The following ADAMTS3 variants were observed in gnomAD, a reference collection of about 807,000 sequenced individuals.
The protein encoded by ADAMTS3 is ADAM metallopeptidase with thrombospondin type 1 motif 3.
In ADAMTS3, 73 loss-of-function variants were observed where a neutral mutation model predicts 129.0. The ratio of observed to expected loss-of-function variants is 0.57; its 90% CI spans 0.47 to 0.69. The LOEUF is 0.69. Among genes scored for constraint, ADAMTS3 ranks in the 30% least tolerant of loss-of-function variants. ADAMTS3 has a pLI of 0.00. For synonymous variants in ADAMTS3, 477 were observed against 510.8 expected (o/e 0.93, Z 0.89); for missense variants, 1,457 against 1,514.5 (o/e 0.96, Z 0.63).
At chr4:72,405,229 A>G in intron 4 of ADAMTS3, among the ~76,000 whole-genome samples, 1 of 152,136 alleles carries the variant, frequency 6.6e-6, no homozygotes, top group East Asian at 1.9e-4. Context: ...CCTTGAAGAA[A>G]TATTTGCAAC....
chr4:72,568,815 ACCCACCCCCCCC>A lies in ADAMTS3; in HGVS notation c.-65_-54del. The A allele has an allele frequency of 8.7e-7, 1 of 1,150,002 alleles. No homozygotes were observed. Among genetic ancestry groups the A allele is most frequent in the Admixed American group, 2.7e-5 (1 of 36,970 alleles). The allele number at this position is 1,150,002 out of a possible 1,614,324, so 71.2% of individuals were successfully genotyped here. A position where few individuals can be genotyped will look rare whatever the true frequency, so the allele number is the denominator to read the frequency against. On this transcript the variant is annotated 5_prime_UTR_variant, in exon 1 of 22. Transcript: ENST00000286657. ...TGGGCAAAGCAAATGCCCAGAGCAA[ACCCACCCCCCCC>A]GCCCAAAATAAGTTTCTTTAAGAAA...
chr4:72,330,180 G>A lies in ADAMTS3; in HGVS notation c.862-7083C>T, dbSNP rs142453501. 3.5e-3 allele frequency among the ~76,000 whole-genome samples: 528 copies of A among 151,992 alleles called. 6 individuals are homozygous for A. Among genetic ancestry groups the A allele is most frequent in the African/African-American group, 0.012 (512 of 41,448 alleles). ...ATTACAGGTGCACACCACCACACCT[G>A]GCTAATTTTTGTATTTTTGGTAGTC... On this transcript the variant is annotated intron_variant, in intron 5 of 21. Transcript: ENST00000286657.
chr4:72,412,520 T>C (rs1722207628), intron 4 of ADAMTS3, among the ~76,000 whole-genome samples: 2 of 152,084 alleles, frequency 1.3e-5, no homozygotes. Context: ...TGAATCTGAA[T>C]CACTTGTTCC....
At chr4:72,381,008 G>T (rs1358092399) in intron 4 of ADAMTS3, among the ~76,000 whole-genome samples, 3 of 152,100 alleles carry the variant, frequency 2.0e-5, no homozygotes, top group Admixed American at 2.0e-4. Flanking sequence ...TCATTCATAT[G>T]ATTTTAAAAA....
chr4:72,510,759 C>A (rs1235899798), intron 3 of ADAMTS3, among the ~76,000 whole-genome samples: 1 of 125,828 alleles, frequency 7.9e-6, no homozygotes, highest in South Asian at 2.7e-4. Flanking sequence ...ATAGAAAAAT[C>A]AATCCTAAAA....
At chr4:72,452,302 A>G (rs953309505) in intron 3 of ADAMTS3, among the ~76,000 whole-genome samples, 2 of 150,938 alleles carry the variant, frequency 1.3e-5, no homozygotes, top group East Asian at 3.9e-4. Flanking sequence ...TTTATTATTA[A>G]CATAATATAA....
In ADAMTS3 at chr4:72,324,838, C is replaced by T. The variant is rs536031427; in HGVS notation, c.862-1741G>A. 7.9e-5 allele frequency among the ~76,000 whole-genome samples: 12 copies of T among 152,128 alleles called. No homozygotes were observed. In the South Asian group the frequency reaches 1.5e-3, roughly 18 times the overall value. The stretch of plus-strand genomic sequence containing the variant: ...CTGAGAAGAGCTAACAGCAAGGAGG[C>T]CAGAAAATGTGTCTTATAAAGAAGG... On this transcript the variant is annotated intron_variant, in intron 5 of 21. Coordinates refer to ENST00000286657, the MANE Select transcript of ADAMTS3 (RefSeq NM_014243.3).
In ADAMTS3 at chr4:72,320,729, G is replaced by A. The variant is rs1719530579; in HGVS notation, c.1087C>T (p.Pro363Ser). The A allele has an allele frequency of 6.2e-7, 1 of 1,613,624 alleles. No homozygotes were observed. Among genetic ancestry groups the A allele is most frequent in the Non-Finnish European group, 8.5e-7 (1 of 1,179,748 alleles). Residue 363 changes from proline (P) to serine (S), a missense_variant, in exon 7 of 22, where the codon CCT becomes TCT. Pro to Ser is a moderately conservative substitution (Grantham distance 74, BLOSUM62 -1). Transcript: ENST00000286657. ...AIFLTRQDFG[P>S]AGMQGYAPVT... The stretch of plus-strand genomic sequence containing the variant: ...ACAGCAATACCTTGCATTCCAGCAG[G>A]TCCAAAGTCTTGCCTGGTTAAAAAA...
chr4:72,472,506 T>A (rs1719098694), intron 3 of ADAMTS3, among the ~76,000 whole-genome samples: 1 of 152,150 alleles, frequency 6.6e-6, no homozygotes, highest in African/African-American at 2.4e-5. Flanking sequence ...TACTTTTTTT[T>A]AGCAAAATGG....
At position 72,418,165 on chromosome 4, in the gene ADAMTS3, C is replaced by T. The variant is rs555123065; in HGVS notation, c.505-3194G>A. Among the ~76,000 whole-genome samples, 10 of 151,736 alleles carry T rather than the reference C, an allele frequency of 6.6e-5. No individual in the cohort carries two copies. The South Asian group carries it at 1.9e-3, about 28-fold the overall frequency. On this transcript the variant is annotated intron_variant, in intron 3 of 21. Coordinates refer to ENST00000286657, the MANE Select transcript of ADAMTS3 (RefSeq NM_014243.3). ...TTTTCCTCCATAATCTCACCAGACA[C>T]AGAAAACTGTTAGTAGGAACAGTTG...
intron 3 of ADAMTS3, among the ~76,000 whole-genome samples, chr4:72,528,693 A>T (rs968816843): frequency 3.9e-5 from 6 of 152,112 alleles, no homozygotes; most frequent in Non-Finnish European, 7.4e-5. Context: ...AAAACTTTCA[A>T]GTTCGTAACA....
rs142142197 is a variant in ADAMTS3 at position 72,562,069 on chromosome 4, T to C, written c.97+5305A>G. Among the ~76,000 whole-genome samples, 219 of 152,322 alleles carry C rather than the reference T, an allele frequency of 1.4e-3. 5 individuals are homozygous for C. The East Asian group carries it at 0.039, about 27-fold the overall frequency. ...TTGCACTGTATGAGGTAGATGAGTC[T>C]TCTCGCAGTACTAATAAAATTACAA... is the stretch of plus-strand genomic sequence containing the variant. On this transcript the variant is annotated intron_variant, in intron 2 of 21. Transcript: ENST00000286657.
intron 3 of ADAMTS3, among the ~76,000 whole-genome samples, chr4:72,481,905 A>G (rs192136489): frequency 6.6e-6 from 1 of 152,250 alleles, no homozygotes; most frequent in Admixed American, 6.5e-5. Context: ...GAAAATAAGC[A>G]CATGAAAAGA....
At chr4:72,427,951 T>C (rs1722611632) in intron 3 of ADAMTS3, among the ~76,000 whole-genome samples, 1 of 152,096 alleles carries the variant, frequency 6.6e-6, no homozygotes, top group African/African-American at 2.4e-5. Flanking sequence ...GGATTTTTTC[T>C]TTTGTGAAAG....
At chr4:72,415,384 G>A (rs1048486990) in intron 3 of ADAMTS3, among the ~76,000 whole-genome samples, 2 of 151,754 alleles carry the variant, frequency 1.3e-5, no homozygotes, top group Admixed American at 6.6e-5. Flanking sequence ...TGGTCCAAAC[G>A]TTACATACAT....
intron 16 of ADAMTS3, among the ~76,000 whole-genome samples, chr4:72,305,139 G>A (rs1177279681): frequency 2.0e-5 from 3 of 151,946 alleles, no homozygotes; most frequent in African/African-American, 7.2e-5. Flanking sequence ...TATAGGCCAA[G>A]GAATAAGTAA....
intron 19 of ADAMTS3, among the ~76,000 whole-genome samples, chr4:72,293,400 C>A (rs1279446178): frequency 7.9e-5 from 12 of 151,982 alleles, no homozygotes; most frequent in Admixed American, 7.9e-4. Context: ...TAACTGGATA[C>A]AATAGACATG....
In ADAMTS3 at chr4:72,339,479, G is replaced by A; in HGVS notation, c.861+15C>T. 6.2e-7 allele frequency: 1 copy of A among 1,612,028 alleles called. No homozygotes were observed. The highest frequency in any genetic ancestry group is 8.5e-7 in the Non-Finnish European group (1 of 1,178,602). ...TTAAAAGATCAAAAAGCTTTAAAAAGGAGTCACTACTCACAATGTTCATTA... is the reference window on the plus strand; with the variant it reads ...TTAAAAGATCAAAAAGCTTTAAAAAAGAGTCACTACTCACAATGTTCATTA... On this transcript the variant is annotated intron_variant, in intron 5 of 21. Coordinates refer to ENST00000286657, the MANE Select transcript of ADAMTS3 (RefSeq NM_014243.3).
At chr4:72,343,549 C>T (rs1316431796) in intron 4 of ADAMTS3, among the ~76,000 whole-genome samples, 1 of 152,142 alleles carries the variant, frequency 6.6e-6, no homozygotes, top group Non-Finnish European at 1.5e-5. Context: ...AATGTGTCCC[C>T]TGCCTGCCAA....
Sources: gnomAD v4.1 joint callset for allele counts (sites outside exome capture counted in the v4.1 genomes callset) on GRCh38, gnomAD v4.1.1 for gene constraint, MANE v1.5 for transcripts, NCBI Gene and HGNC (gene_info 2026-07-23, HGNC 2026-07-21) for gene names.